PARN: variants seen among roughly 807,000 people sequenced by gnomAD.
PARN encodes the protein poly(A)-specific ribonuclease PARN.
In PARN, 71 loss-of-function variants were observed where a neutral mutation model predicts 102.8. The ratio of observed to expected loss-of-function variants is 0.69; its 90% CI spans 0.57 to 0.84. The LOEUF is 0.84. Ranked by LOEUF, PARN falls within the 40% of genes least tolerant of loss-of-function variation. PARN has a pLI of 0.00. For missense variants in PARN, 782 were observed against 760.9 expected, an observed-to-expected ratio of 1.03 and a Z score of -0.33; for synonymous variants, 261 against 252.9, an observed-to-expected ratio of 1.03 and a Z score of -0.30.
At chr16:14,533,862 T>C (rs1966491687) in intron 21 of PARN, among the ~76,000 whole-genome samples, 1 of 152,160 alleles carries the variant, frequency 6.6e-6, no homozygotes, top group Admixed American at 6.5e-5. Flanking sequence ...ACTGATTCCT[T>C]GAATGGAAAG....
chr16:14,447,188 TCAA>T, intron 22 of PARN, 107 bp from the exon 23 acceptor site: 1 of 646,894 alleles, frequency 1.5e-6, no homozygotes, highest in East Asian at 3.1e-5. Context: ...CAGCCAGCCA[TCAA>T]CAACATGGGC....
At chr16:14,554,980 C>G (rs1187446402) in intron 19 of PARN, among the ~76,000 whole-genome samples, 1 of 152,160 alleles carries the variant, frequency 6.6e-6, no homozygotes, top group Non-Finnish European at 1.5e-5. Flanking sequence ...CCACTCTGGA[C>G]TATAAACTGG....
intron 18 of PARN, among the ~76,000 whole-genome samples, chr16:14,567,357 C>T (rs1252671017): frequency 6.6e-6 from 1 of 152,094 alleles, no homozygotes; most frequent in Non-Finnish European, 1.5e-5. Context: ...TTACACAATC[C>T]AGAAGAGGTT....
At chr16:14,536,476 C>G (rs1966610600) in intron 21 of PARN, among the ~76,000 whole-genome samples, 1 of 152,266 alleles carries the variant, frequency 6.6e-6, no homozygotes, top group East Asian at 1.9e-4. Flanking sequence ...CTATTATCAC[C>G]AGAGTCCTAA....
chr16:14,444,983 ATTTTTTTTTTTT>A (rs564058919), intron 23 of PARN, among the ~76,000 whole-genome samples: 8 of 117,972 alleles, frequency 6.8e-5, no homozygotes, highest in Admixed American at 1.9e-4. Context: ...TAATATTTAA[ATTTTTTTTTTTT>A]TTTTTTTTTT....
chr16:14,524,929 C>T (rs1431207746), intron 21 of PARN, among the ~76,000 whole-genome samples: 2 of 152,112 alleles, frequency 1.3e-5, no homozygotes, highest in South Asian at 2.1e-4. Flanking sequence ...ATATTATAGT[C>T]CAACCCAGCA....
intron 21 of PARN, among the ~76,000 whole-genome samples, chr16:14,506,851 A>G (rs1361117966): frequency 6.6e-6 from 1 of 152,188 alleles, no homozygotes; most frequent in Non-Finnish European, 1.5e-5. Flanking sequence ...AGAGTGGGAG[A>G]AAATATTAAT....
chr16:14,494,736 G>A (rs773086286), intron 21 of PARN, among the ~76,000 whole-genome samples: 1 of 152,218 alleles, frequency 6.6e-6, no homozygotes, highest in Non-Finnish European at 1.5e-5. Flanking sequence ...CAAAGATTCC[G>A]GGAGATCAGC....
intron 22 of PARN, among the ~76,000 whole-genome samples, chr16:14,464,393 T>C (rs953621269): frequency 6.6e-6 from 1 of 152,126 alleles, no homozygotes; most frequent in African/African-American, 2.4e-5. Context: ...TGGAGCAGTA[T>C]CTTAAAATGA....
chr16:14,535,982 A>T (rs1966590140), intron 21 of PARN, among the ~76,000 whole-genome samples: 1 of 152,114 alleles, frequency 6.6e-6, no homozygotes. Flanking sequence ...GTGTTCCTTT[A>T]CTTATTTAAA....
At chr16:14,444,874 C>T (rs574573647) in intron 23 of PARN, among the ~76,000 whole-genome samples, 1 of 152,240 alleles carries the variant, frequency 6.6e-6, no homozygotes, top group Non-Finnish European at 1.5e-5. Context: ...GGTTGGAGTG[C>T]ACTGATGCGA....
At chr16:14,487,121 G>A (rs1425545235) in intron 21 of PARN, among the ~76,000 whole-genome samples, 3 of 152,226 alleles carry the variant, frequency 2.0e-5, no homozygotes, top group Admixed American at 6.5e-5. Flanking sequence ...CAGCATCAAC[G>A]CGGTTGTCTC....
chr16:14,441,010 A>G (rs531576271), intron 23 of PARN, among the ~76,000 whole-genome samples: 1 of 152,348 alleles, frequency 6.6e-6, no homozygotes, highest in South Asian at 2.1e-4. Context: ...GGGTACAATT[A>G]TATCTTATTG....
intron 12 of PARN, among the ~76,000 whole-genome samples, chr16:14,596,685 G>A (rs1970534907): frequency 6.6e-6 from 1 of 152,092 alleles, no homozygotes; most frequent in Non-Finnish European, 1.5e-5. Flanking sequence ...GGTAGAGGCT[G>A]CAGTGAGCCA....
chr16:14,500,053 CT>C lies in PARN; in HGVS notation c.1481-17227del, dbSNP rs559498710. On this transcript the variant is annotated intron_variant, in intron 21 of 23. Transcript: ENST00000437198. Reference sequence around the variant, plus strand: ...TATACAGAGAGAAGAACACAGAATGCTTTTTTTCATTCTTTGTTTTTTGAGA... The same window carrying C: ...TATACAGAGAGAAGAACACAGAATGCTTTTTTCATTCTTTGTTTTTTGAGA... Among the ~76,000 whole-genome samples the C allele has an allele frequency of 1.1e-3, 162 of 152,180 alleles. No individual in the cohort carries two copies. The Middle Eastern group carries it at 0.014, about 13-fold the overall frequency.
At chr16:14,559,193 C>T (rs1193752762) in intron 18 of PARN, among the ~76,000 whole-genome samples, 3 of 151,456 alleles carry the variant, frequency 2.0e-5, no homozygotes, top group South Asian at 2.1e-4. Flanking sequence ...AAAAAGAAGG[C>T]TCTCCCAATT....
At chr16:14,482,531 C>T in intron 22 of PARN, 107 bp downstream of exon 22, 5 of 822,986 alleles carry the variant, frequency 6.1e-6, no homozygotes, top group Non-Finnish European at 5.7e-6. Context: ...AGTTGAAAGG[C>T]CATCTTTCCC....
chr16:14,580,117 G>T (rs548634629), intron 18 of PARN, among the ~76,000 whole-genome samples: 21 of 151,918 alleles, frequency 1.4e-4, no homozygotes, highest in Non-Finnish European at 2.4e-4. Context: ...TTCTACAGGC[G>T]CCCGCCACCG....
chr16:14,456,744 A>G (rs556101694), intron 22 of PARN, among the ~76,000 whole-genome samples: 1 of 152,048 alleles, frequency 6.6e-6, no homozygotes, highest in African/African-American at 2.4e-5. Flanking sequence ...TGTTCTTGGC[A>G]CTGCTTTATA....
Sources: gnomAD v4.1 joint callset for allele counts (sites outside exome capture counted in the v4.1 genomes callset) on GRCh38, gnomAD v4.1.1 for gene constraint, MANE v1.5 for transcripts, NCBI Gene and HGNC (gene_info 2026-07-23, HGNC 2026-07-21) for gene names.